Variants in AFAP1L1 observed in about 807,000 individuals in gnomAD.
AFAP1L1 encodes the protein actin filament associated protein 1 like 1, also known as actin filament-associated protein 1-like 1.
Under a neutral mutation model 99.8 loss-of-function variants are expected in AFAP1L1, and 77 were observed. The ratio of observed to expected loss-of-function variants is 0.77; its 90% CI spans 0.64 to 0.93. The LOEUF is 0.93. AFAP1L1 is among the 40% of genes least tolerant of loss of function. The pLI is 0.00. For synonymous variants in AFAP1L1, 373 were observed against 395.3 expected (o/e 0.94, Z 0.67); for missense variants, 893 against 996.8 (o/e 0.90, Z 1.40).
intron 1 of AFAP1L1, among the ~76,000 whole-genome samples, chr5:149,275,515 AT>A (rs950090182): frequency 5.6e-5 from 8 of 142,672 alleles, no homozygotes; most frequent in African/African-American, 2.1e-4. Context: ...TCATTTTTTA[AT>A]TTTTTTTGAG....
chr5:149,322,228 T>A (rs1012649506), intron 14 of AFAP1L1, among the ~76,000 whole-genome samples: 19 of 152,176 alleles, frequency 1.2e-4, no homozygotes, highest in African/African-American at 4.3e-4. Context: ...ATCCAGGACT[T>A]TTCTTCTTGA....
chr5:149,332,269 T>TGCCTGTAG lies in AFAP1L1; in HGVS notation c.1976-425_1976-418dup, dbSNP rs1233123658. On this transcript the variant is annotated intron_variant, in intron 16 of 18. Transcript: ENST00000296721. ...AAAATTAGCTGGGTGTGCTGGCGTG[T>TGCCTGTAG]GCCTGTAGTCCCAGCTACTTGGGAG... 2.0e-5 allele frequency among the ~76,000 whole-genome samples: 3 copies of TGCCTGTAG among 152,278 alleles called. No homozygotes were observed. In the East Asian group the frequency reaches 5.8e-4, roughly 29 times the overall value.
Position 149,312,101 on chromosome 5 carries a change from C to A in AFAP1L1, c.928-11C>A, listed in dbSNP as rs1373975448. 6.2e-7 allele frequency: 1 copy of A among 1,612,060 alleles called. No individual in the cohort carries two copies. Among genetic ancestry groups the A allele is most frequent in the South Asian group, 1.1e-5 (1 of 90,880 alleles). ...TGCCCACCCGTTCACAGCTGTGTGT[C>A]CTCTTCACAGGTCATCCGAGAAGTG... is the stretch of plus-strand genomic sequence containing the variant. On this transcript the variant is annotated splice_polypyrimidine_tract_variant and intron_variant, in intron 8 of 18. Transcript: ENST00000296721.
chr5:149,311,330 C>T (rs1756623875), intron 8 of AFAP1L1, among the ~76,000 whole-genome samples: 1 of 152,178 alleles, frequency 6.6e-6, no homozygotes, highest in South Asian at 2.1e-4. Context: ...AGACGAATCC[C>T]TAGACTGGAG....
intron 1 of AFAP1L1, among the ~76,000 whole-genome samples, chr5:149,287,078 C>G (rs1755704239): frequency 6.6e-6 from 1 of 152,098 alleles, no homozygotes; most frequent in Admixed American, 6.6e-5. Context: ...GGTAAAGGCA[C>G]TGAGTGTTAG....
In AFAP1L1 at chr5:149,342,824, A is replaced by G. The variant is rs1028865543; in HGVS notation, c.*2794A>G. ...CTACTTGGGAGGCTGAGGGAGGAGA[A>G]TCACTTGAACCCGGGAGGTGGAGGT... is the stretch of plus-strand genomic sequence containing the variant. On this transcript the variant is annotated 3_prime_UTR_variant, in exon 19 of 19. Transcript: ENST00000296721. Among the ~76,000 whole-genome samples the G allele has an allele frequency of 1.3e-5, 2 of 152,154 alleles. No individual in the cohort carries two copies. The highest frequency in any genetic ancestry group is 2.9e-5 in the Non-Finnish European group (2 of 68,024).
At chr5:149,302,630 C>T in intron 5 of AFAP1L1, 104 bp downstream of exon 5, 1 of 957,010 alleles carries the variant, frequency 1.0e-6, no homozygotes, top group Non-Finnish European at 1.5e-6. Context: ...AGCCTGTCAC[C>T]CTCCCAACCA....
In AFAP1L1 at chr5:149,299,737, C is replaced by G. The variant is rs566488569; in HGVS notation, c.145+100C>G. 2.7e-4 allele frequency: 413 copies of G among 1,537,438 alleles called. 8 individuals carry two copies. In the South Asian group the frequency reaches 4.7e-3, roughly 17 times the overall value. On this transcript the variant is annotated intron_variant, in intron 2 of 18. Transcript: ENST00000296721. Reference sequence around the variant, plus strand: ...ACATGCAGGAACCCTCCGCCCCACCCCCACCCCCAGGGGCTGCCGCAGGAG... The same window carrying G: ...ACATGCAGGAACCCTCCGCCCCACCGCCACCCCCAGGGGCTGCCGCAGGAG...
At chr5:149,319,973 G>A (rs537208732) in intron 13 of AFAP1L1, among the ~76,000 whole-genome samples, 47 of 152,382 alleles carry the variant, frequency 3.1e-4, no homozygotes, top group Non-Finnish European at 6.3e-4. Flanking sequence ...CCTTGGAGTA[G>A]TGGCCTGGGC....
intron 8 of AFAP1L1, among the ~76,000 whole-genome samples, chr5:149,311,865 C>T (rs1334217482): frequency 6.6e-6 from 1 of 152,182 alleles, no homozygotes; most frequent in African/African-American, 2.4e-5. Flanking sequence ...TCCAAGACCA[C>T]ACAACTAATT....
chr5:149,310,185 C>T (rs781772197), intron 8 of AFAP1L1, 50 bp downstream of exon 8: 2 of 1,509,534 alleles, frequency 1.3e-6, no homozygotes, highest in Non-Finnish European at 1.8e-6. Flanking sequence ...TTCTCTCTTC[C>T]CCAAGCCAGC....
At chr5:149,314,574 C>G (rs1266047112) in intron 9 of AFAP1L1, among the ~76,000 whole-genome samples, 1 of 152,194 alleles carries the variant, frequency 6.6e-6, no homozygotes, top group East Asian at 1.9e-4. Context: ...GAAAAACTTA[C>G]CATCTGTACA....
At chr5:149,279,761 A>G (rs1019882442) in intron 1 of AFAP1L1, among the ~76,000 whole-genome samples, 7 of 151,972 alleles carry the variant, frequency 4.6e-5, no homozygotes, top group African/African-American at 1.2e-4. Context: ...CTCTTCTCAC[A>G]CTGGCCCTGC....
chr5:149,306,219 A>C (rs1756405512), intron 5 of AFAP1L1, 87 bp from the exon 6 acceptor site: 1 of 1,132,428 alleles, frequency 8.8e-7, no homozygotes, highest in Admixed American at 2.2e-5. Context: ...CCTGAGGTGG[A>C]GCAGGGGTGT....
intron 8 of AFAP1L1, among the ~76,000 whole-genome samples, chr5:149,310,395 C>T (rs892221729): frequency 6.6e-6 from 1 of 152,230 alleles, no homozygotes; most frequent in Non-Finnish European, 1.5e-5. Context: ...ATTCAGCCTG[C>T]ACTTGTATAC....
intron 16 of AFAP1L1, among the ~76,000 whole-genome samples, chr5:149,332,367 C>T (rs923513350): frequency 1.3e-5 from 2 of 151,566 alleles, no homozygotes; most frequent in Admixed American, 6.6e-5. Flanking sequence ...CTGCACTCCA[C>T]CCTGGGCGAC....
At chr5:149,299,413 C>A (rs566552734) in intron 1 of AFAP1L1, 96 bp from the exon 2 acceptor site, 2 of 1,525,792 alleles carry the variant, frequency 1.3e-6, no homozygotes, top group Admixed American at 3.8e-5. Context: ...GCCCTCTGAC[C>A]CCTTCCGCCC....
chr5:149,295,802 G>C (rs563938953), intron 1 of AFAP1L1, among the ~76,000 whole-genome samples: 1 of 152,188 alleles, frequency 6.6e-6, no homozygotes, highest in South Asian at 2.1e-4. Context: ...CAGGGGGTTT[G>C]TAAGGTCCAG....
chr5:149,317,974 G>A (rs1458652306), intron 12 of AFAP1L1, 34 bp downstream of exon 12: 91 of 1,548,508 alleles, frequency 5.9e-5, no homozygotes, highest in Non-Finnish European at 7.8e-5. Context: ...GGTGGCTCTT[G>A]GTCTGGGGAC....
Sources: allele counts gnomAD v4.1 joint callset (sites outside exome capture counted in the v4.1 genomes callset), GRCh38; gene constraint gnomAD v4.1.1; transcripts MANE v1.5; gene names NCBI Gene and HGNC (gene_info 2026-07-23, HGNC 2026-07-21).